The following VAPA variants were observed in gnomAD, a reference collection of about 807,000 sequenced individuals.
The protein encoded by VAPA is vesicle-associated membrane protein-associated protein A.
VAPA carries 6 observed loss-of-function variants against 25.6 expected under a neutral mutation model. That is an observed-to-expected ratio of 0.23 (90% confidence interval 0.13 to 0.46). The LOEUF is 0.46. Ranked by LOEUF, VAPA falls within the 20% of genes least tolerant of loss-of-function variation. The pLI, the probability that VAPA is intolerant of heterozygous loss-of-function variation, is 0.99. For missense variants in VAPA, 244 were observed against 302.1 expected (o/e 0.81, Z 1.43); for synonymous variants, 112 against 106.2 (o/e 1.05, Z -0.34).
intron 4 of VAPA, among the ~76,000 whole-genome samples, chr18:9,947,244 A>G (rs2069435021): frequency 6.6e-6 from 1 of 152,236 alleles, no homozygotes; most frequent in African/African-American, 2.4e-5. Flanking sequence ...ATAAACCTGT[A>G]ACATAGTCAT....
chr18:9,922,376 A>G (rs1267499025), intron 1 of VAPA, among the ~76,000 whole-genome samples: 1 of 152,212 alleles, frequency 6.6e-6, no homozygotes, highest in Non-Finnish European at 1.5e-5. Context: ...TTGCATAATC[A>G]TGATACTGTT....
chr18:9,931,990 A>G (rs548020431), intron 2 of VAPA, 28 bp downstream of exon 2: 16 of 1,499,088 alleles, frequency 1.1e-5, no homozygotes, highest in Non-Finnish European at 1.4e-5. Context: ...GAATTTATGT[A>G]CATTTGAATT....
chr18:9,931,702 A>G (rs899395049), intron 1 of VAPA, 108 bp from the exon 2 acceptor site: 4 of 957,520 alleles, frequency 4.2e-6, no homozygotes, highest in Middle Eastern at 3.5e-4. Flanking sequence ...TATGCCTACA[A>G]ATGTCAGCAC....
chr18:9,950,495 G>T lies in VAPA; in HGVS notation c.518G>T (p.Arg173Met). Residue 173 changes from arginine (R) to methionine (M), a missense_variant, in exon 5 of 6, where the codon AGG becomes ATG. By Grantham distance (91) the Arg-to-Met change is moderately conservative (BLOSUM62 -1). This residue lies in a region of VAPA where 145 missense variants were observed against 140.6 expected (regional missense o/e 1.03). Transcript: ENST00000400000. Reference sequence around the variant, plus strand: ...GTTTCACTTAATGATACCGAAACAAGGAAACTAATGGAAGAGTGTAAAAGA... The same window carrying T: ...GTTTCACTTAATGATACCGAAACAATGAAACTAATGGAAGAGTGTAAAAGA... ...HSVSLNDTETRKLMEECKRLQ... is the reference protein window; with the variant it reads ...HSVSLNDTETMKLMEECKRLQ... 6.2e-7 allele frequency: 1 copy of T among 1,613,988 alleles called. No homozygotes were observed. The highest frequency in any genetic ancestry group is 8.5e-7 in the Non-Finnish European group (1 of 1,179,976).
intron 1 of VAPA, among the ~76,000 whole-genome samples, chr18:9,923,659 A>T (rs2069175697): frequency 6.6e-6 from 1 of 152,098 alleles, no homozygotes; most frequent in African/African-American, 2.4e-5. Flanking sequence ...CTGTGAAAAA[A>T]TTTTACTTTT....
intron 2 of VAPA, among the ~76,000 whole-genome samples, chr18:9,932,199 T>C (rs539594604): frequency 7.9e-5 from 12 of 152,352 alleles, no homozygotes; most frequent in African/African-American, 2.9e-4. Context: ...CAAACTTTAG[T>C]CTTTATTTCT....
At chr18:9,933,623 C>T (rs149601084) in intron 2 of VAPA, among the ~76,000 whole-genome samples, 14 of 152,200 alleles carry the variant, frequency 9.2e-5, no homozygotes, top group African/African-American at 3.1e-4. Context: ...CTGCAACTTC[C>T]GCCTCCTGGA....
chr18:9,919,864 T>C (rs1013125104), intron 1 of VAPA, among the ~76,000 whole-genome samples: 7 of 152,158 alleles, frequency 4.6e-5, no homozygotes, highest in Non-Finnish European at 1.0e-4. Context: ...TGTAAAATTA[T>C]ACTAGAGGGG....
At chr18:9,944,987 G>GC in intron 4 of VAPA, 1 of 1,614,142 alleles carries the variant, frequency 6.2e-7, no homozygotes, top group East Asian at 2.2e-5. Flanking sequence ...CAACACAGTT[G>GC]CAACACCTGC....
At chr18:9,944,563 G>C (rs776001617) in intron 4 of VAPA, among the ~76,000 whole-genome samples, 2 of 152,140 alleles carry the variant, frequency 1.3e-5, no homozygotes, top group Non-Finnish European at 2.9e-5. Context: ...ACAAGTGCTT[G>C]TTTTTCAGAT....
chr18:9,959,171 G>A lies in VAPA; in HGVS notation c.*4960G>A, dbSNP rs1293604293. On this transcript the variant is annotated 3_prime_UTR_variant, in exon 6 of 6. Transcript: ENST00000400000. Reference sequence around the variant, plus strand: ...GGGATCTAGATGGTCTGATCCTAGTGATCTACCATATGAAGGACATAGTTT... The same window carrying A: ...GGGATCTAGATGGTCTGATCCTAGTAATCTACCATATGAAGGACATAGTTT... 1.3e-5 allele frequency: 2 copies of A among 152,258 alleles called. No homozygotes were observed. The highest frequency in any genetic ancestry group is 3.9e-4 in the East Asian group (2 of 5,182). 9.4% of individuals were successfully genotyped at this position (152,258 alleles called of 1,614,324 possible).
chr18:9,929,216 T>G (rs3025605), intron 1 of VAPA, among the ~76,000 whole-genome samples: 3,652 of 152,092 alleles, frequency 0.024, 53 homozygotes, highest in Middle Eastern at 0.071. Flanking sequence ...TCTGGAGGAG[T>G]ATTTGAAAAT....
chr18:9,951,733 GGA>G (rs762979508), intron 5 of VAPA, among the ~76,000 whole-genome samples: 3 of 152,136 alleles, frequency 2.0e-5, no homozygotes, highest in Non-Finnish European at 4.4e-5. Context: ...CTAAATGATG[GGA>G]GTTATTTGAT....
chr18:9,925,347 A>AAG (rs1196194332), intron 1 of VAPA, among the ~76,000 whole-genome samples: 1 of 147,938 alleles, frequency 6.8e-6, no homozygotes, highest in Non-Finnish European at 1.5e-5. Flanking sequence ...TTAGAGGCTT[A>AAG]AATAAAATAG....
chr18:9,951,370 C>T (rs550348684), intron 5 of VAPA: 4 of 152,280 alleles, frequency 2.6e-5, no homozygotes, highest in Non-Finnish European at 4.4e-5. Flanking sequence ...AGAAAAAAAT[C>T]GATTTGTCAT....
chr18:9,927,067 C>T (rs991958727), intron 1 of VAPA, among the ~76,000 whole-genome samples: 5 of 151,976 alleles, frequency 3.3e-5, no homozygotes, highest in African/African-American at 4.8e-5. Flanking sequence ...TACTGCTTAT[C>T]CCATATTAAA....
chr18:9,952,651 C>T lies in VAPA; in HGVS notation c.592-1402C>T, dbSNP rs552393311. Among the ~76,000 whole-genome samples the T allele has an allele frequency of 2.9e-3, 443 of 151,846 alleles. 3 individuals are homozygous for T. The highest frequency in any genetic ancestry group is 0.01 in the African/African-American group (423 of 41,446). ...ACACAGGCCCACCATAATTTTTTGC[C>T]AGGTTCACTTTCTTGCTCCTGTCTG... On this transcript the variant is annotated intron_variant, in intron 5 of 5. Transcript: ENST00000400000.
chr18:9,952,902 C>G (rs1386475247), intron 5 of VAPA, among the ~76,000 whole-genome samples: 3 of 152,110 alleles, frequency 2.0e-5, no homozygotes, highest in African/African-American at 7.2e-5. Flanking sequence ...AAACCCAACT[C>G]CAGAAAATCC....
At chr18:9,934,970 CT>C (rs1411980060) in intron 2 of VAPA, among the ~76,000 whole-genome samples, 1 of 151,882 alleles carries the variant, frequency 6.6e-6, no homozygotes. Flanking sequence ...TGGCAGGCGC[CT>C]GTAGTCCCAG....
Sources: gnomAD v4.1 joint callset for allele counts (sites outside exome capture counted in the v4.1 genomes callset) on GRCh38, gnomAD v4.1.1 for gene constraint, gnomAD v4.1.1 regional missense constraint, MANE v1.5 for transcripts, NCBI Gene and HGNC (gene_info 2026-07-23, HGNC 2026-07-21) for gene names.